The following GALNT11 variants were observed in gnomAD, a reference collection of about 807,000 sequenced individuals.
GALNT11 encodes the protein UDP-GalNAc:polypeptide N-acetylgalactosaminyltransferase 11.
A neutral mutation model predicts 72.7 loss-of-function variants in GALNT11; 47 were observed. That is an observed-to-expected ratio of 0.65 (90% CI 0.51 to 0.82). The LOEUF (loss-of-function observed/expected upper bound fraction) is 0.82, where lower values mean the gene tolerates loss of function less well. Among genes scored for constraint, GALNT11 ranks in the 40% least tolerant of loss-of-function variants. The probability of loss-of-function intolerance (pLI) is 0.00; values close to 1 mark genes in which losing one functional copy is unlikely to be tolerated. For missense variants in GALNT11, 677 were observed against 778.4 expected (o/e 0.87, Z 1.55); for synonymous variants, 270 against 286.6 (o/e 0.94, Z 0.58).
At chr7:152,045,745 G>C (rs1326640945) in intron 1 of GALNT11, among the ~76,000 whole-genome samples, 1 of 151,286 alleles carries the variant, frequency 6.6e-6, no homozygotes, top group Non-Finnish European at 1.5e-5. Context: ...TTGTTTTGTT[G>C]ATCTTTTGTA....
chr7:152,035,634 G>A (rs1046684933), intron 1 of GALNT11, among the ~76,000 whole-genome samples: 2 of 152,234 alleles, frequency 1.3e-5, no homozygotes, highest in Non-Finnish European at 2.9e-5. Context: ...CGAAGAGTCA[G>A]GGGTTGTTAG....
At chr7:152,080,699 C>T (rs944361224) in intron 1 of GALNT11, among the ~76,000 whole-genome samples, 6 of 152,178 alleles carry the variant, frequency 3.9e-5, no homozygotes, top group South Asian at 4.2e-4. Context: ...CAGTGGCTCA[C>T]GCCTGTAATC....
intron 7 of GALNT11, among the ~76,000 whole-genome samples, chr7:152,112,057 G>C (rs2088280519): frequency 6.6e-6 from 1 of 151,140 alleles, no homozygotes; most frequent in Admixed American, 6.7e-5. Flanking sequence ...CCATGGTGTA[G>C]ACAGTCTTTG....
chr7:152,026,636 C>G (rs2082028650), intron 1 of GALNT11, among the ~76,000 whole-genome samples: 1 of 152,242 alleles, frequency 6.6e-6, no homozygotes, highest in Non-Finnish European at 1.5e-5. Context: ...TTCACTGAGC[C>G]AGACTAAGGC....
chr7:152,080,842 C>G (rs1192827644), intron 1 of GALNT11, among the ~76,000 whole-genome samples: 1 of 151,478 alleles, frequency 6.6e-6, no homozygotes, highest in Non-Finnish European at 1.5e-5. Flanking sequence ...TGGTGGCGGG[C>G]CCCTGTAATC....
chr7:152,046,807 GT>G (rs1477449538), intron 1 of GALNT11, among the ~76,000 whole-genome samples: 1 of 152,128 alleles, frequency 6.6e-6, no homozygotes, highest in African/African-American at 2.4e-5. Context: ...TTACTGATAA[GT>G]AAGGTCCTAC....
At chr7:152,055,455 G>T (rs1218225632) in intron 1 of GALNT11, among the ~76,000 whole-genome samples, 1 of 151,574 alleles carries the variant, frequency 6.6e-6, no homozygotes, top group East Asian at 1.9e-4. Context: ...TGTCTCCAAA[G>T]TGTTTCCAGA....
intron 8 of GALNT11, among the ~76,000 whole-genome samples, chr7:152,113,685 A>T (rs1370254229): frequency 2.6e-5 from 3 of 116,796 alleles, no homozygotes; most frequent in Admixed American, 8.4e-5. Context: ...TGGTCTCTCT[A>T]TTGTGACGCC....
At chr7:152,089,278 T>C (rs1405621809) in intron 1 of GALNT11, among the ~76,000 whole-genome samples, 2 of 152,080 alleles carry the variant, frequency 1.3e-5, no homozygotes, top group African/African-American at 4.8e-5. Context: ...CTGAAAGATA[T>C]CTCAAAAAAA....
At chr7:152,087,784 T>C (rs2085744743) in intron 1 of GALNT11, among the ~76,000 whole-genome samples, 1 of 152,220 alleles carries the variant, frequency 6.6e-6, no homozygotes, top group South Asian at 2.1e-4. Context: ...GTGTCAGTCA[T>C]TGTATCTGAC....
At chr7:152,109,066 G>A (rs2087893663) in intron 6 of GALNT11, among the ~76,000 whole-genome samples, 1 of 152,186 alleles carries the variant, frequency 6.6e-6, no homozygotes, top group African/African-American at 2.4e-5. Flanking sequence ...TTAAACCCCA[G>A]AAGCCATTTC....
intron 1 of GALNT11, among the ~76,000 whole-genome samples, chr7:152,063,550 T>C (rs2084136335): frequency 6.6e-6 from 1 of 152,204 alleles, no homozygotes; most frequent in Admixed American, 6.5e-5. Flanking sequence ...TTTAATTGTA[T>C]GTTAGGGTGT....
At chr7:152,119,049 G>A in intron 10 of GALNT11, 1 of 277,422 alleles carries the variant, frequency 3.6e-6, no homozygotes, top group Non-Finnish European at 6.7e-6. Flanking sequence ...AGTGGCCTTA[G>A]ATGACACCTC....
At chr7:152,098,209 TGGGAGGCTGAGGC>T (rs960149419) in intron 2 of GALNT11, among the ~76,000 whole-genome samples, 4 of 152,088 alleles carry the variant, frequency 2.6e-5, no homozygotes, top group Non-Finnish European at 5.9e-5. Flanking sequence ...CCCAGCACTT[TGGGAGGCTGAGGC>T]TGGTAGATCG....
intron 1 of GALNT11, among the ~76,000 whole-genome samples, chr7:152,064,145 G>A (rs1327851860): frequency 1.3e-5 from 2 of 152,146 alleles, no homozygotes; most frequent in Non-Finnish European, 1.5e-5. Context: ...GGGTGCTCCT[G>A]TATTGGGTGC....
Position 152,121,713 on chromosome 7 carries a change from C to A in GALNT11, c.*36C>A. On this transcript the variant is annotated 3_prime_UTR_variant, in exon 12 of 12. Transcript: ENST00000430044. ...GTGGTGGGAACGTTGCTTCATCAGGCGTTGCCTCCGGTGTGGAGTTTGGGG... is the reference window on the plus strand; with the variant it reads ...GTGGTGGGAACGTTGCTTCATCAGGAGTTGCCTCCGGTGTGGAGTTTGGGG... The A allele has an allele frequency of 6.2e-7, 1 of 1,600,250 alleles. No homozygotes were observed.
intron 1 of GALNT11, chr7:152,093,896 G>A (rs1012425417): frequency 7.3e-5 from 16 of 219,390 alleles, no homozygotes; most frequent in African/African-American, 2.5e-4. Context: ...GAAAAATTAC[G>A]CAACTGAAAG....
At chr7:152,076,383 G>T (rs1428706442) in intron 1 of GALNT11, among the ~76,000 whole-genome samples, 1 of 152,170 alleles carries the variant, frequency 6.6e-6, no homozygotes, top group African/African-American at 2.4e-5. Context: ...GTATTTGCGA[G>T]GTAATCCCAG....
chr7:152,032,932 T>A (rs1187801409), intron 1 of GALNT11, among the ~76,000 whole-genome samples: 1 of 152,232 alleles, frequency 6.6e-6, no homozygotes, highest in Admixed American at 6.5e-5. Context: ...TTACAGGCTG[T>A]CCCAGGATTC....
Sources: allele counts gnomAD v4.1 joint callset (sites outside exome capture counted in the v4.1 genomes callset), GRCh38; gene constraint gnomAD v4.1.1; transcripts MANE v1.5; gene names NCBI Gene and HGNC (gene_info 2026-07-23, HGNC 2026-07-21).